Variants in CSMD1 observed in about 807,000 individuals in gnomAD.
The protein encoded by CSMD1 is CUB and Sushi multiple domains 1.
A neutral mutation model predicts 417.5 loss-of-function variants in CSMD1; 213 were observed. The observed-to-expected ratio is 0.51, with a 90% CI of 0.46 to 0.57. The LOEUF is 0.57. Ranked by LOEUF, CSMD1 falls within the 20% of genes least tolerant of loss-of-function variation. The probability of loss-of-function intolerance (pLI) is 0.00; values close to 1 mark genes in which losing one functional copy is unlikely to be tolerated. For synonymous variants in CSMD1, 2,862 were observed against 1,736.8 expected, an observed-to-expected ratio of 1.65 and a Z score of -16.11; for missense variants, 6,923 against 4,529.7, an observed-to-expected ratio of 1.53 and a Z score of -15.17.
intron 50 of CSMD1, among the ~76,000 whole-genome samples, chr8:3,046,840 G>C (rs941291038): frequency 8.5e-5 from 13 of 152,298 alleles, no homozygotes; most frequent in African/African-American, 2.6e-4. Context: ...AAACCACTAA[G>C]ATAAGGAACA....
rs765200278 is a variant in CSMD1 at position 3,408,125 on chromosome 8, G to T, written c.1845C>A (p.Ile615=). The change falls in exon 14 of 70, where the codon ATC becomes ATA. Residue 615 remains isoleucine, a synonymous_variant. Coordinates refer to ENST00000635120, the MANE Select transcript of CSMD1 (RefSeq NM_033225.6). Reference sequence around the variant, plus strand: ...GGTGAATTCGACTTCCTGGCTCCGAGATAATCAACCAGACACAGTTCATGT... The same window carrying T: ...GGTGAATTCGACTTCCTGGCTCCGATATAATCAACCAGACACAGTTCATGT... ...GNNMNCVWLI[I]SEPGSRIHLI... is the part of the protein sequence containing the mutation. The T allele has an allele frequency of 3.3e-5, 53 of 1,613,642 alleles. No individual in the cohort carries two copies. Among genetic ancestry groups the T allele is most frequent in the Non-Finnish European group, 4.2e-5 (50 of 1,179,794 alleles).
intron 3 of CSMD1, among the ~76,000 whole-genome samples, chr8:4,289,647 G>A (rs76608372): frequency 0.03 from 4,586 of 152,224 alleles, 235 homozygotes; most frequent in African/African-American, 0.1. Context: ...TAGAGCAGCT[G>A]TCCATGGTCC....
chr8:4,730,688 G>C (rs910867778), intron 1 of CSMD1, among the ~76,000 whole-genome samples: 27 of 152,090 alleles, frequency 1.8e-4, no homozygotes, highest in Non-Finnish European at 2.8e-4. Context: ...TTGCAGTGAG[G>C]AGAGATCGTG....
At chr8:4,858,087 C>T (rs1801909823) in intron 1 of CSMD1, among the ~76,000 whole-genome samples, 1 of 152,074 alleles carries the variant, frequency 6.6e-6, no homozygotes, top group East Asian at 1.9e-4. Context: ...GGCTGCATCC[C>T]TGGGATGCAA....
intron 6 of CSMD1, among the ~76,000 whole-genome samples, chr8:3,714,499 A>T (rs1044040508): frequency 1.8e-4 from 26 of 143,942 alleles, no homozygotes; most frequent in African/African-American, 6.4e-4. Context: ...GAGACAGGGG[A>T]TCACATGAAG....
intron 18 of CSMD1, among the ~76,000 whole-genome samples, chr8:3,371,169 G>C (rs1049367439): frequency 6.6e-6 from 1 of 152,102 alleles, no homozygotes; most frequent in Non-Finnish European, 1.5e-5. Flanking sequence ...TGTCTAGCTT[G>C]CAGAAGGCAG....
At chr8:2,954,937 A>G (rs1021561187) in intron 64 of CSMD1, among the ~76,000 whole-genome samples, 3 of 152,198 alleles carry the variant, frequency 2.0e-5, no homozygotes, top group African/African-American at 7.2e-5. Context: ...ACACGCCATC[A>G]TTTTTGGTTT....
intron 39 of CSMD1, among the ~76,000 whole-genome samples, chr8:3,157,018 T>C (rs1053811838): frequency 6.8e-6 from 1 of 147,808 alleles, no homozygotes; most frequent in Non-Finnish European, 1.5e-5. Context: ...AGCAGGATAC[T>C]GCTAATAGCA....
At chr8:4,005,874 G>C (rs529839922) in intron 4 of CSMD1, among the ~76,000 whole-genome samples, 12 of 152,198 alleles carry the variant, frequency 7.9e-5, no homozygotes, top group African/African-American at 2.9e-4. Context: ...CCATGAACAG[G>C]AGCTGGCTGC....
At chr8:4,431,575 T>A (rs918116192) in intron 2 of CSMD1, among the ~76,000 whole-genome samples, 1 of 151,968 alleles carries the variant, frequency 6.6e-6, no homozygotes, top group Non-Finnish European at 1.5e-5. Context: ...ATTTCAAAAC[T>A]TTGCTCTGAG....
At chr8:3,305,810 G>C (rs1448821936) in intron 25 of CSMD1, among the ~76,000 whole-genome samples, 3 of 152,102 alleles carry the variant, frequency 2.0e-5, no homozygotes, top group Non-Finnish European at 4.4e-5. Flanking sequence ...CTCCCGAGTA[G>C]CTGGGACTAC....
intron 24 of CSMD1, among the ~76,000 whole-genome samples, 179 bp from the exon 25 acceptor site, chr8:3,308,000 G>C (rs1219370525): frequency 6.6e-6 from 1 of 152,018 alleles, no homozygotes; most frequent in South Asian, 2.1e-4. Flanking sequence ...TCTGTGGAAA[G>C]TCTTTATCCT....
intron 5 of CSMD1, among the ~76,000 whole-genome samples, chr8:3,833,801 C>T (rs1457425855): frequency 6.6e-6 from 1 of 151,994 alleles, no homozygotes; most frequent in Admixed American, 6.6e-5. Flanking sequence ...AAGAGAGGCT[C>T]ATTAAAGATA....
chr8:4,743,329 C>T (rs965177249), intron 1 of CSMD1, among the ~76,000 whole-genome samples: 1 of 152,070 alleles, frequency 6.6e-6, no homozygotes, highest in African/African-American at 2.4e-5. Context: ...ATTCTGAACA[C>T]TAAATGGACA....
At chr8:4,795,551 C>T (rs1379080877) in intron 1 of CSMD1, among the ~76,000 whole-genome samples, 1 of 151,876 alleles carries the variant, frequency 6.6e-6, no homozygotes, top group African/African-American at 2.4e-5. Context: ...CATGAGCCAC[C>T]GCACCCGGCC....
At chr8:3,809,606 T>C (rs1451404090) in intron 5 of CSMD1, among the ~76,000 whole-genome samples, 1 of 152,038 alleles carries the variant, frequency 6.6e-6, no homozygotes, top group African/African-American at 2.4e-5. Context: ...ACCTGCAGAG[T>C]GTCTAATTCA....
Position 3,997,065 on chromosome 8 carries a change from A to G in CSMD1, c.818+838T>C, listed in dbSNP as rs567330862. 8.5e-5 allele frequency among the ~76,000 whole-genome samples: 13 copies of G among 152,304 alleles called. 1 individual carries two copies. The South Asian group carries it at 2.5e-3, about 29-fold the overall frequency. On this transcript the variant is annotated intron_variant, in intron 5 of 69. Coordinates refer to ENST00000635120, the MANE Select transcript of CSMD1 (RefSeq NM_033225.6). ...TCTGTGTCTACCTGAGTTTCAACAT[A>G]CCCATTCTTGTTTAGTCATATTTCA...
At chr8:4,470,822 T>A (rs1040214534) in intron 2 of CSMD1, among the ~76,000 whole-genome samples, 14 of 152,234 alleles carry the variant, frequency 9.2e-5, no homozygotes, top group African/African-American at 3.1e-4. Flanking sequence ...GTTATCTGAA[T>A]CGATGTTGTC....
At chr8:3,399,920 G>A (rs1298634089) in intron 15 of CSMD1, among the ~76,000 whole-genome samples, 3 of 152,088 alleles carry the variant, frequency 2.0e-5, no homozygotes, top group African/African-American at 4.8e-5. Flanking sequence ...ATCTCAAGAT[G>A]GATACATATA....
Sources: gnomAD v4.1 joint callset for allele counts (sites outside exome capture counted in the v4.1 genomes callset) on GRCh38, gnomAD v4.1.1 for gene constraint, MANE v1.5 for transcripts, NCBI Gene and HGNC (gene_info 2026-07-23, HGNC 2026-07-21) for gene names.